Variants in HIVEP3 observed in about 807,000 individuals in gnomAD.
HIVEP3 encodes HIVEP zinc finger 3.
A neutral mutation model predicts 152.8 loss-of-function variants in HIVEP3; 49 were observed. The ratio of observed to expected loss-of-function variants is 0.32; its 90% CI spans 0.26 to 0.41. The LOEUF (loss-of-function observed/expected upper bound fraction) is 0.41. Among genes scored for constraint, HIVEP3 ranks in the 10% least tolerant of loss-of-function variants. The pLI is 1.00. For missense variants in HIVEP3, 2,790 were observed against 3,103.3 expected, an observed-to-expected ratio of 0.90 and a Z score of 2.40; for synonymous variants, 1,269 against 1,289.0, an observed-to-expected ratio of 0.98 and a Z score of 0.33.
intron 1 of HIVEP3, among the ~76,000 whole-genome samples, chr1:41,989,391 TAAAC>T (rs1645343456): frequency 6.6e-6 from 1 of 151,986 alleles, no homozygotes; most frequent in African/African-American, 2.4e-5. Flanking sequence ...CTACAAAAAA[TAAAC>T]AAGGAATCAT....
At chr1:41,914,504 T>C (rs575285581) in intron 1 of HIVEP3, among the ~76,000 whole-genome samples, 12 of 152,350 alleles carry the variant, frequency 7.9e-5, no homozygotes, top group South Asian at 4.1e-4. Context: ...CACATATGTA[T>C]TGAATTTTTA....
At chr1:41,953,921 ACTC>A (rs1645124318) in intron 1 of HIVEP3, among the ~76,000 whole-genome samples, 1 of 152,298 alleles carries the variant, frequency 6.6e-6, no homozygotes, top group South Asian at 2.1e-4. Context: ...TTTTCTGCTA[ACTC>A]TTCAGAACCC....
chr1:41,645,512 T>C (rs1161408573), intron 2 of HIVEP3, among the ~76,000 whole-genome samples: 5 of 152,234 alleles, frequency 3.3e-5, no homozygotes, highest in African/African-American at 1.2e-4. Context: ...CACATGCACC[T>C]GTGCAGTGCA....
At chr1:41,593,681 T>G (rs563108533) in intron 3 of HIVEP3, among the ~76,000 whole-genome samples, 1 of 152,266 alleles carries the variant, frequency 6.6e-6, no homozygotes, top group Non-Finnish European at 1.5e-5. Flanking sequence ...ATAAACTGTC[T>G]CTTTAACATT....
At chr1:41,851,182 C>T (rs909350385) in intron 1 of HIVEP3, among the ~76,000 whole-genome samples, 6 of 151,952 alleles carry the variant, frequency 3.9e-5, no homozygotes, top group Non-Finnish European at 7.4e-5. Context: ...CCACTATAAC[C>T]GCAGCACCTA....
intron 1 of HIVEP3, among the ~76,000 whole-genome samples, chr1:41,865,969 G>A (rs1643963256): frequency 6.6e-6 from 1 of 152,178 alleles, no homozygotes; most frequent in African/African-American, 2.4e-5. Context: ...TGGTAGAAGG[G>A]AGCATCGAAA....
chr1:41,826,906 T>C (rs894693052), intron 1 of HIVEP3, among the ~76,000 whole-genome samples: 3 of 152,194 alleles, frequency 2.0e-5, no homozygotes, highest in Middle Eastern at 3.2e-3. Flanking sequence ...TCACTCATTC[T>C]TCAAAGGAGG....
At chr1:41,806,808 AG>A (rs1445219099) in intron 1 of HIVEP3, among the ~76,000 whole-genome samples, 2 of 152,160 alleles carry the variant, frequency 1.3e-5, no homozygotes, top group South Asian at 2.1e-4. Context: ...TCCACAGGGT[AG>A]GGGGCTCCTA....
intron 5 of HIVEP3, among the ~76,000 whole-genome samples, chr1:41,545,425 T>TCACCAC (rs1198470480): frequency 1.8e-5 from 1 of 54,358 alleles, no homozygotes; most frequent in Non-Finnish European, 3.7e-5. Flanking sequence ...ATCGCTACAA[T>TCACCAC]CACCACCACC....
chr1:41,543,055 T>A (rs1643570821), intron 5 of HIVEP3: 1 of 152,186 alleles, frequency 6.6e-6, no homozygotes, highest in African/African-American at 2.4e-5. Context: ...AATCCCTTGG[T>A]GAGATGGTAG....
upstream of HIVEP3, among the ~76,000 whole-genome samples, chr1:41,922,469 T>A (rs946786430): frequency 6.6e-6 from 1 of 152,038 alleles, no homozygotes; most frequent in Admixed American, 6.6e-5. Context: ...TTAAAAAAAA[T>A]TTAAGGTTAC....
At chr1:41,669,203 T>G (rs753122566) in intron 2 of HIVEP3, among the ~76,000 whole-genome samples, 4 of 152,144 alleles carry the variant, frequency 2.6e-5, no homozygotes, top group Non-Finnish European at 5.9e-5. Context: ...CTGTGTCCTA[T>G]TTAGAAAGGG....
chr1:41,827,371 C>T (rs546064254), intron 1 of HIVEP3, among the ~76,000 whole-genome samples: 8 of 152,210 alleles, frequency 5.3e-5, no homozygotes, highest in Non-Finnish European at 7.3e-5. Context: ...ACACCTCTTC[C>T]CTGCTGCTGT....
chr1:41,544,828 CCAT>C (rs1187853558), intron 5 of HIVEP3, among the ~76,000 whole-genome samples: 2,368 of 86,680 alleles, frequency 0.027, 7 homozygotes, highest in Non-Finnish European at 0.046. Context: ...TCTACCACCA[CCAT>C]CACCACCACC....
At chr1:41,612,478 A>C (rs1644912449) in intron 3 of HIVEP3, among the ~76,000 whole-genome samples, 1 of 152,156 alleles carries the variant, frequency 6.6e-6, no homozygotes, top group African/African-American at 2.4e-5. Flanking sequence ...CATACTTCAT[A>C]ACTAAGAATT....
At chr1:41,967,186 A>T (rs1006849356) in intron 1 of HIVEP3, among the ~76,000 whole-genome samples, 1 of 152,208 alleles carries the variant, frequency 6.6e-6, no homozygotes, top group Non-Finnish European at 1.5e-5. Flanking sequence ...TCAGCTCTGG[A>T]TCAAGTGGAC....
chr1:41,587,474 G>A (rs2767345), intron 3 of HIVEP3, among the ~76,000 whole-genome samples: 150,880 of 152,340 alleles, frequency 0.99, 74,729 homozygotes, highest in East Asian at 1. Context: ...ACTACTAACA[G>A]TCATCGAGGA....
At chr1:41,548,854 T>G (rs115821800) in intron 5 of HIVEP3, among the ~76,000 whole-genome samples, 4,180 of 152,224 alleles carry the variant, frequency 0.027, 187 homozygotes, top group African/African-American at 0.096. Context: ...CTTTTTATTT[T>G]CCAACTCATT....
chr1:41,941,725 T>C (rs1483436342), intron 1 of HIVEP3, among the ~76,000 whole-genome samples: 1 of 152,198 alleles, frequency 6.6e-6, no homozygotes, highest in Non-Finnish European at 1.5e-5. Flanking sequence ...GACAACTTTT[T>C]ATTTTGTCCA....
Sources: allele counts gnomAD v4.1 joint callset (sites outside exome capture counted in the v4.1 genomes callset), GRCh38; gene constraint gnomAD v4.1.1; transcripts MANE v1.5; gene names NCBI Gene and HGNC (gene_info 2026-07-23, HGNC 2026-07-21).